COL19A1: variants seen among roughly 807,000 people sequenced by gnomAD.
COL19A1 encodes collagen type XIX alpha 1 chain.
A neutral mutation model predicts 190.2 loss-of-function variants in COL19A1; 159 were observed. The ratio of observed to expected loss-of-function variants is 0.84; its 90% confidence interval spans 0.73 to 0.95. The LOEUF (loss-of-function observed/expected upper bound fraction) is 0.95. Among genes scored for constraint, COL19A1 ranks in the 40% least tolerant of loss-of-function variants. The probability of loss-of-function intolerance (pLI) is 0.00; values close to 1 mark genes in which losing one functional copy is unlikely to be tolerated. For synonymous variants in COL19A1, 509 were observed against 458.9 expected, an observed-to-expected ratio of 1.11 and a Z score of -1.39; for missense variants, 1,418 against 1,431.9, an observed-to-expected ratio of 0.99 and a Z score of 0.16.
intron 4 of COL19A1, among the ~76,000 whole-genome samples, chr6:69,921,770 A>G (rs1008414057): frequency 2.7e-5 from 4 of 146,554 alleles, no homozygotes; most frequent in Admixed American, 2.7e-4. Flanking sequence ...GTAGATTCGT[A>G]TATGTATATT....
At chr6:70,187,174 C>G (rs562718487) in intron 46 of COL19A1, among the ~76,000 whole-genome samples, 32 of 152,316 alleles carry the variant, frequency 2.1e-4, no homozygotes, top group Admixed American at 1.8e-3. Context: ...GCCACCGCGC[C>G]TGGCCCAACT....
At chr6:70,197,524 G>T (rs1767284008) in intron 48 of COL19A1, among the ~76,000 whole-genome samples, 1 of 152,140 alleles carries the variant, frequency 6.6e-6, no homozygotes, top group African/African-American at 2.4e-5. Flanking sequence ...CATATTTATT[G>T]TAATGCCCCA....
chr6:69,978,332 A>AT (rs1775843732), intron 11 of COL19A1, among the ~76,000 whole-genome samples: 1 of 152,154 alleles, frequency 6.6e-6, no homozygotes, highest in Admixed American at 6.5e-5. Context: ...CCAATAGATA[A>AT]TTTTTTATAC....
intron 11 of COL19A1, 42 bp downstream of exon 11, chr6:69,962,912 G>T (rs768793980): frequency 6.7e-7 from 1 of 1,498,340 alleles, no homozygotes. Context: ...AAAAGAAATT[G>T]TTCTTGAAAA....
In COL19A1 at chr6:70,121,960, C is replaced by T; in HGVS notation, c.1341+18C>T. 3 of 1,487,356 alleles carry T rather than the reference C, an allele frequency of 2.0e-6. No individual in the cohort carries two copies. The highest frequency in any genetic ancestry group is 1.3e-5 in the South Asian group (1 of 76,136). 92.1% of individuals were successfully genotyped at this position (1,487,356 alleles called of 1,614,324 possible). ...ATAACAAGGTATGGCTTCTTTTTTC[C>T]CATAATTTATAATACATAGAAATTT... On this transcript the variant is annotated intron_variant, in intron 17 of 50. Coordinates refer to ENST00000620364, the MANE Select transcript of COL19A1 (RefSeq NM_001858.6).
intron 16 of COL19A1, among the ~76,000 whole-genome samples, chr6:70,107,216 A>G (rs1275906955): frequency 6.6e-6 from 1 of 152,184 alleles, no homozygotes; most frequent in African/African-American, 2.4e-5. Flanking sequence ...TTACAGTTCA[A>G]CTAAGATTAT....
Position 70,119,611 on chromosome 6 carries a change from A to G in COL19A1, c.1279-2269A>G, listed in dbSNP as rs539954713. 8.5e-5 allele frequency among the ~76,000 whole-genome samples: 13 copies of G among 152,308 alleles called. No individual in the cohort carries two copies. In the South Asian group the frequency reaches 1.9e-3, roughly 22 times the overall value. On this transcript the variant is annotated intron_variant, in intron 16 of 50. Coordinates refer to ENST00000620364, the MANE Select transcript of COL19A1 (RefSeq NM_001858.6). ...TAGACGAGAACTGGCTTTGGGCCCAATGCTAATGTTAAATATTAGCCCTGC... is the reference window on the plus strand; with the variant it reads ...TAGACGAGAACTGGCTTTGGGCCCAGTGCTAATGTTAAATATTAGCCCTGC...
intron 14 of COL19A1, among the ~76,000 whole-genome samples, chr6:70,048,558 G>A (rs1042743989): frequency 1.3e-5 from 2 of 152,042 alleles, no homozygotes; most frequent in African/African-American, 4.8e-5. Context: ...TAAAATGATC[G>A]TTTGTGAATT....
intron 14 of COL19A1, among the ~76,000 whole-genome samples, chr6:70,068,211 CT>C (rs1781357852): frequency 6.6e-6 from 1 of 151,836 alleles, no homozygotes; most frequent in South Asian, 2.1e-4. Flanking sequence ...GTGGGTCTGC[CT>C]TTTTTTCTTT....
chr6:70,135,139 G>A (rs182700247), intron 18 of COL19A1, among the ~76,000 whole-genome samples: 218 of 152,296 alleles, frequency 1.4e-3, no homozygotes, highest in African/African-American at 5.1e-3. Flanking sequence ...AACTGCATAA[G>A]GCAAGGTATG....
intron 12 of COL19A1, among the ~76,000 whole-genome samples, chr6:70,032,108 G>A (rs1383074204): frequency 6.6e-6 from 1 of 152,106 alleles, no homozygotes; most frequent in Non-Finnish European, 1.5e-5. Flanking sequence ...ATTACTAAGA[G>A]GAGACATCAA....
intron 11 of COL19A1, among the ~76,000 whole-genome samples, chr6:70,002,850 T>G (rs921099335): frequency 6.6e-6 from 1 of 151,712 alleles, no homozygotes; most frequent in Non-Finnish European, 1.5e-5. Flanking sequence ...GATTCATTGA[T>G]TTTTTGGAGG....
At chr6:70,030,259 A>G (rs16868442) in intron 12 of COL19A1, among the ~76,000 whole-genome samples, 17,712 of 152,162 alleles carry the variant, frequency 0.12, 1,210 homozygotes, top group East Asian at 0.25. Context: ...TTCCCTAGAA[A>G]TTACAACTGG....
intron 9 of COL19A1, among the ~76,000 whole-genome samples, chr6:69,945,638 C>T (rs1437125638): frequency 6.6e-6 from 1 of 151,782 alleles, no homozygotes; most frequent in Non-Finnish European, 1.5e-5. Context: ...TTTCTAATCC[C>T]ATATTGAATA....
chr6:69,987,892 A>C (rs1361302111), intron 11 of COL19A1, among the ~76,000 whole-genome samples: 1 of 152,182 alleles, frequency 6.6e-6, no homozygotes, highest in African/African-American at 2.4e-5. Context: ...GTAAAAGGGA[A>C]ATGTGAAAAG....
intron 4 of COL19A1, among the ~76,000 whole-genome samples, chr6:69,916,758 C>T (rs1274285863): frequency 1.3e-5 from 2 of 152,086 alleles, no homozygotes; most frequent in Non-Finnish European, 2.9e-5. Context: ...AAAATAGAGA[C>T]ATTTTTCCCC....
chr6:69,877,627 AAC>A (rs1432079654), intron 1 of COL19A1, among the ~76,000 whole-genome samples: 1 of 152,192 alleles, frequency 6.6e-6, no homozygotes. Context: ...CAGAAGGAAA[AAC>A]AGACTTGTGA....
chr6:70,111,577 T>C (rs1218100799), intron 16 of COL19A1, among the ~76,000 whole-genome samples: 1 of 152,202 alleles, frequency 6.6e-6, no homozygotes. Flanking sequence ...AAAAACATTC[T>C]ATGGGATTAG....
intron 16 of COL19A1, among the ~76,000 whole-genome samples, chr6:70,115,043 T>C (rs994604532): frequency 2.6e-5 from 4 of 152,160 alleles, no homozygotes; most frequent in African/African-American, 9.7e-5. Flanking sequence ...CACAAGTCAT[T>C]TCTCAAAGCC....
Sources: allele counts gnomAD v4.1 joint callset (sites outside exome capture counted in the v4.1 genomes callset), GRCh38; gene constraint gnomAD v4.1.1; transcripts MANE v1.5; gene names NCBI Gene and HGNC (gene_info 2026-07-23, HGNC 2026-07-21).